AGAP1: variants seen among roughly 807,000 people sequenced by gnomAD.
The protein encoded by AGAP1 is arf-GAP with GTPase, ANK repeat and PH domain-containing protein 1.
Under a neutral mutation model 105.3 loss-of-function variants are expected in AGAP1, and 29 were observed. The ratio of observed to expected loss-of-function variants is 0.28; its 90% CI spans 0.21 to 0.38. AGAP1 has a LOEUF of 0.38. Among genes scored for constraint, AGAP1 ranks in the 10% least tolerant of loss-of-function variants. The pLI, the probability that AGAP1 is intolerant of heterozygous loss-of-function variation, is 1.00. For missense variants in AGAP1, 998 were observed against 1,165.1 expected, an observed-to-expected ratio of 0.86 and a Z score of 2.09; for synonymous variants, 509 against 485.9, an observed-to-expected ratio of 1.05 and a Z score of -0.63.
intron 13 of AGAP1, among the ~76,000 whole-genome samples, chr2:235,980,983 T>G (rs935751131): frequency 2.6e-5 from 4 of 152,256 alleles, no homozygotes; most frequent in African/African-American, 4.8e-5. Context: ...ATTTTTTGCC[T>G]CCTCCTGTTA....
At chr2:235,757,792 C>CA in intron 6 of AGAP1, among the ~76,000 whole-genome samples, 1 of 152,158 alleles carries the variant, frequency 6.6e-6, no homozygotes, top group East Asian at 1.9e-4. Context: ...AACCCCATCT[C>CA]ACATTAAATG....
intron 16 of AGAP1, among the ~76,000 whole-genome samples, chr2:236,052,411 C>T (rs1451574610): frequency 6.6e-6 from 1 of 152,158 alleles, no homozygotes; most frequent in Non-Finnish European, 1.5e-5. Flanking sequence ...ACTGGAGTCA[C>T]CTATTCGTGC....
In AGAP1 at chr2:235,872,681, A is replaced by G. The variant is rs1009402993; in HGVS notation, c.1051-10664A>G. ...GTGTGAAAGTTCGGACTGATTGAAC[A>G]TAGAGGAGGCTGTCTGCGCGCTCAG... On this transcript the variant is annotated intron_variant, in intron 9 of 17. Transcript: ENST00000304032. This position sits in a 1 kb window ranked among gnomAD's most constrained non-coding sequence, Gnocchi z 4.5. 5.9e-5 allele frequency among the ~76,000 whole-genome samples: 9 copies of G among 152,192 alleles called. No individual in the cohort carries two copies. The highest frequency in any genetic ancestry group is 8.8e-5 in the Non-Finnish European group (6 of 68,040).
rs913765105 is a variant in AGAP1, at chr2:236,020,625, T to C, written c.1646-15936T>C. 8.5e-5 allele frequency among the ~76,000 whole-genome samples: 13 copies of C among 152,126 alleles called. No individual in the cohort carries two copies. The highest frequency in any genetic ancestry group is 2.9e-4 in the African/African-American group (12 of 41,414). On this transcript the variant is annotated intron_variant, in intron 13 of 17. Transcript: ENST00000304032. The surrounding 1 kb of genome is among the most constrained non-coding windows in gnomAD (Gnocchi z 5.0). ...TCGCATGCAGACAATAAAACCTACC[T>C]TGAAGGGTAATTGAAGAAGAAATGA...
In AGAP1 at chr2:236,120,526, T is replaced by G; in HGVS notation, c.2370+79T>G. On this transcript the variant is annotated intron_variant, in intron 17 of 17. Transcript: ENST00000304032. The surrounding 1 kb of genome is among the most constrained non-coding windows in gnomAD (Gnocchi z 6.0). Reference sequence around the variant, plus strand: ...TTTGTTCTGCTTCCGTGGGCATCTTTCTGGCAGAAGGCTGTTGTTCTCGAT... The same window carrying G: ...TTTGTTCTGCTTCCGTGGGCATCTTGCTGGCAGAAGGCTGTTGTTCTCGAT... The G allele has an allele frequency of 6.3e-7, 1 of 1,579,676 alleles. No homozygotes were observed. The highest frequency in any genetic ancestry group is 1.2e-5 in the South Asian group (1 of 85,562).
chr2:235,635,643 A>C lies in AGAP1; in HGVS notation c.164-73536A>C, dbSNP rs561899976. ...AATGAGTTTTCTAGGGAGGCATCAG[A>C]GTTAGCCATGGCACCTTCTCCAAAG... On this transcript the variant is annotated intron_variant, in intron 1 of 17. Coordinates refer to ENST00000304032, the MANE Select transcript of AGAP1 (RefSeq NM_001037131.3). This position sits in a 1 kb window ranked among gnomAD's most constrained non-coding sequence, Gnocchi z 5.3. Among the ~76,000 whole-genome samples, 6 of 152,060 alleles carry C rather than the reference A, an allele frequency of 3.9e-5. No individual in the cohort carries two copies. The highest frequency in any genetic ancestry group is 1.2e-4 in the African/African-American group (5 of 41,478).
chr2:235,686,556 T>TACAC (rs10700794), intron 1 of AGAP1, among the ~76,000 whole-genome samples: 18,208 of 100,780 alleles, frequency 0.18, 1,808 homozygotes, highest in Non-Finnish European at 0.24. Context: ...GATATATATA[T>TACAC]ACACACACAC....
At chr2:235,627,748 A>G (rs1455516659) in intron 1 of AGAP1, among the ~76,000 whole-genome samples, 2 of 152,096 alleles carry the variant, frequency 1.3e-5, no homozygotes, top group Non-Finnish European at 2.9e-5. Flanking sequence ...CCTGTTTGAG[A>G]TTATTCACAG....
At chr2:236,118,387 C>CTTTTTTTTTTTTTTTTTTTTTT (rs529993131) in intron 16 of AGAP1, among the ~76,000 whole-genome samples, 1 of 116,294 alleles carries the variant, frequency 8.6e-6, no homozygotes, top group Non-Finnish European at 1.8e-5. Flanking sequence ...TTTTCTTTTT[C>CTTTTTTTTTTTTTTTTTTTTTT]TTTTTTTTTT....
chr2:236,093,381 C>T (rs2059113621), intron 16 of AGAP1, among the ~76,000 whole-genome samples: 1 of 152,202 alleles, frequency 6.6e-6, no homozygotes, highest in African/African-American at 2.4e-5. Flanking sequence ...GCCACAGACT[C>T]AGACAGACTC....
intron 13 of AGAP1, among the ~76,000 whole-genome samples, chr2:236,008,382 A>G (rs1319052619): frequency 6.6e-6 from 1 of 152,248 alleles, no homozygotes; most frequent in Non-Finnish European, 1.5e-5. Context: ...GAAAACAGGG[A>G]GAGAAATTTC....
rs189664065 is a variant in AGAP1, at chr2:235,861,120, A to G, written c.1051-22225A>G. Among the ~76,000 whole-genome samples the G allele has an allele frequency of 3.3e-5, 5 of 152,374 alleles. No homozygotes were observed. In the East Asian group the frequency reaches 9.6e-4, roughly 29 times the overall value. On this transcript the variant is annotated intron_variant, in intron 9 of 17. Coordinates refer to ENST00000304032, the MANE Select transcript of AGAP1 (RefSeq NM_001037131.3). The stretch of plus-strand genomic sequence containing the variant: ...TACTGTGTGAGTCTTCCATTGAAAC[A>G]AGGCCATTTTTAGCTTGCTGATACA...
chr2:235,788,991 A>G lies in AGAP1; in HGVS notation c.674-8768A>G, dbSNP rs1956813791. ...GCCCAGGGTGACTATGGGAACAGACATTCCTGATTTTTGGCAGCTCGACTT... is the reference window on the plus strand; with the variant it reads ...GCCCAGGGTGACTATGGGAACAGACGTTCCTGATTTTTGGCAGCTCGACTT... On this transcript the variant is annotated intron_variant, in intron 6 of 17. Coordinates refer to ENST00000304032, the MANE Select transcript of AGAP1 (RefSeq NM_001037131.3). The surrounding 1 kb of genome is among the most constrained non-coding windows in gnomAD (Gnocchi z 6.0). Among the ~76,000 whole-genome samples the G allele has an allele frequency of 6.6e-6, 1 of 152,200 alleles. No homozygotes were observed. Among genetic ancestry groups the G allele is most frequent in the African/African-American group, 2.4e-5 (1 of 41,466 alleles).
rs1371134893 is a variant in AGAP1 at position 236,073,602 on chromosome 2, A to C, written c.2114+24321A>C. 6.6e-6 allele frequency among the ~76,000 whole-genome samples: 1 copy of C among 152,216 alleles called. No homozygotes were observed. The highest frequency in any genetic ancestry group is 2.4e-5 in the African/African-American group (1 of 41,450). ...ACAAGGACCTTGTAATGATGCTCACATAGAAGATAATTTATAAATACCTAT... is the reference window on the plus strand; with the variant it reads ...ACAAGGACCTTGTAATGATGCTCACCTAGAAGATAATTTATAAATACCTAT... On this transcript the variant is annotated intron_variant, in intron 16 of 17. Transcript: ENST00000304032. This position sits in a 1 kb window ranked among gnomAD's most constrained non-coding sequence, Gnocchi z 5.4.
Position 236,035,100 on chromosome 2 carries a change from T to G in AGAP1, c.1646-1461T>G, listed in dbSNP as rs927201575. Among the ~76,000 whole-genome samples the G allele has an allele frequency of 7.2e-5, 11 of 152,138 alleles. No individual in the cohort carries two copies. The highest frequency in any genetic ancestry group is 7.2e-4 in the Admixed American group (11 of 15,288). ...TCTAGGTGAGGTCAGTAAGCCGTGC[T>G]TGGAAGCTGGGCTAGAGGGACCAAG... On this transcript the variant is annotated intron_variant, in intron 13 of 17. Transcript: ENST00000304032. The surrounding 1 kb of genome is among the most constrained non-coding windows in gnomAD (Gnocchi z 4.2).
At chr2:235,847,253 T>C (rs1273283429) in intron 9 of AGAP1, among the ~76,000 whole-genome samples, 1 of 152,206 alleles carries the variant, frequency 6.6e-6, no homozygotes, top group Non-Finnish European at 1.5e-5. Context: ...AATACTGCTT[T>C]AGAAAGGAAA....
chr2:235,756,205 C>T (rs1349778226), intron 6 of AGAP1, among the ~76,000 whole-genome samples: 2 of 152,132 alleles, frequency 1.3e-5, no homozygotes, highest in African/African-American at 2.4e-5. Context: ...GTAGCGTGTT[C>T]GGAGCTTTCT....
At chr2:235,913,756 T>G (rs2051738782) in intron 11 of AGAP1, among the ~76,000 whole-genome samples, 1 of 152,166 alleles carries the variant, frequency 6.6e-6, no homozygotes, top group South Asian at 2.1e-4. Context: ...ATCCCCTCAT[T>G]GGTGCACATG....
rs112076217 is a variant in AGAP1 at position 236,101,129 on chromosome 2, A to G, written c.2115-19063A>G. 2.4e-3 allele frequency among the ~76,000 whole-genome samples: 359 copies of G among 152,210 alleles called. No individual in the cohort carries two copies. The highest frequency in any genetic ancestry group is 8.1e-3 in the African/African-American group (338 of 41,512). ...AAGTCAAAATCCAAATTGATTTTCA[A>G]TGTGTTTCCCTTTGGTTATTCCCCA... On this transcript the variant is annotated intron_variant, in intron 16 of 17. Coordinates refer to ENST00000304032, the MANE Select transcript of AGAP1 (RefSeq NM_001037131.3). The surrounding 1 kb of genome is among the most constrained non-coding windows in gnomAD (Gnocchi z 4.9).
Sources: gnomAD v4.1 joint callset for allele counts (sites outside exome capture counted in the v4.1 genomes callset) on GRCh38, gnomAD v4.1.1 for gene constraint, Gnocchi (gnomAD v3.1) non-coding constraint, MANE v1.5 for transcripts, NCBI Gene and HGNC (gene_info 2026-07-23, HGNC 2026-07-21) for gene names.